The following CAPN3 variants were observed in gnomAD, a reference collection of about 807,000 sequenced individuals.
CAPN3 encodes calpain 3.
In CAPN3, 88 loss-of-function variants were observed where a neutral mutation model predicts 114.0. That is an observed-to-expected ratio of 0.77 (90% CI 0.65 to 0.92). The LOEUF (loss-of-function observed/expected upper bound fraction) is 0.92, where lower values mean the gene tolerates loss of function less well. Among genes scored for constraint, CAPN3 ranks in the 40% least tolerant of loss-of-function variants. The pLI is 0.00. For missense variants in CAPN3, 1,028 were observed against 1,069.0 expected (o/e 0.96, Z 0.53); for synonymous variants, 386 against 382.9 (o/e 1.01, Z -0.09).
intron 1 of CAPN3, among the ~76,000 whole-genome samples, chr15:42,371,446 T>C (rs536963337): frequency 2.2e-4 from 34 of 152,288 alleles, no homozygotes; most frequent in African/African-American, 7.7e-4. Flanking sequence ...TAATTATAAA[T>C]AAGGCAAAGC....
chr15:42,401,651 G>C lies in CAPN3; in HGVS notation c.1365G>C (p.Trp455Cys), dbSNP rs769692294. The stretch of plus-strand genomic sequence containing the variant: ...TTTCTGGGGGTGCAGATACTTTCTG[G>C]ACCAACCCTCAGTACCGTCTGAAGC... ...GGCRNFPDTF[W>C]TNPQYRLKLL... is the part of the protein sequence containing the mutation. Residue 455 changes from tryptophan to cysteine, a missense_variant, in exon 11 of 24, where the codon TGG becomes TGC. Trp to Cys is a radical substitution (Grantham distance 215, BLOSUM62 -2). Transcript: ENST00000397163. 1.2e-6 allele frequency: 2 copies of C among 1,613,990 alleles called. No individual in the cohort carries two copies.
intron 22 of CAPN3, 67 bp downstream of exon 22, chr15:42,411,067 C>T: frequency 7.9e-7 from 1 of 1,269,244 alleles, no homozygotes. Context: ...GGCATCTCAC[C>T]TGATAATCTC....
chr15:42,411,971 A>G lies in CAPN3; in HGVS notation c.*198A>G. ...CATGCCTAGCCTGACCCTTTAGTAAAGCAATGAGGTAGGAAGAACAAACCC... is the reference window on the plus strand; with the variant it reads ...CATGCCTAGCCTGACCCTTTAGTAAGGCAATGAGGTAGGAAGAACAAACCC... On this transcript the variant is annotated 3_prime_UTR_variant, in exon 24 of 24. Transcript: ENST00000397163. 2 of 1,513,762 alleles carry G rather than the reference A, an allele frequency of 1.3e-6. No homozygotes were observed. Among genetic ancestry groups the G allele is most frequent in the South Asian group, 2.6e-5 (2 of 77,400 alleles). The allele number at this position is 1,513,762 out of a possible 1,614,324, so 93.8% of individuals were successfully genotyped here.
At chr15:42,361,985 T>G (rs1181716342) in intron 1 of CAPN3, among the ~76,000 whole-genome samples, 1 of 152,274 alleles carries the variant, frequency 6.6e-6, no homozygotes, top group Non-Finnish European at 1.5e-5. Context: ...CTGTTCATCT[T>G]TGAGGCCCCC....
chr15:42,408,312 G>A lies in CAPN3; in HGVS notation c.1902G>A (p.Lys634=), dbSNP rs2054086848. ...GKGKTSPDKQ[K]QSPQPQPGSS... is the part of the protein sequence containing the mutation. ...GCAAAACAAGCCCTGATAAGCAAAA[G>A]CAGTCCCCACAGGTGTCTGGGCATG... is the stretch of plus-strand genomic sequence containing the variant. The change falls in exon 16 of 24, where the codon AAG becomes AAA. Residue 634 remains lysine, a synonymous_variant. Transcript: ENST00000397163. The A allele has an allele frequency of 1.9e-6, 3 of 1,611,784 alleles. No homozygotes were observed. Among genetic ancestry groups the A allele is most frequent in the Non-Finnish European group, 2.5e-6 (3 of 1,177,978 alleles).
Position 42,389,960 on chromosome 15 carries a change from C to T in CAPN3, c.809C>T (p.Thr270Met), listed in dbSNP as rs1219356790. The T allele has an allele frequency of 3.1e-6, 5 of 1,614,056 alleles. No homozygotes were observed. The highest frequency in any genetic ancestry group is 2.2e-5 in the East Asian group (1 of 44,878). Residue 270 changes from threonine (T) to methionine (M), a missense_variant, in exon 6 of 24, where the codon ACG (threonine) becomes ATG (methionine). Thr to Met is a moderately conservative substitution (Grantham distance 81). Coordinates refer to ENST00000397163, the MANE Select transcript of CAPN3 (RefSeq NM_000070.3). ...SLMGCSIDDG[T>M]NMTYGTSPSG... ...TTCTCCATCGGGCCTCAGGATGGCA[C>T]GAACATGACCTATGGAACCTCTCCT...
intron 1 of CAPN3, among the ~76,000 whole-genome samples, chr15:42,371,662 C>T (rs2052950616): frequency 6.6e-6 from 1 of 152,130 alleles, no homozygotes; most frequent in Admixed American, 6.6e-5. Context: ...CCTCTTCACT[C>T]TCTCAAGAAT....
intron 1 of CAPN3, among the ~76,000 whole-genome samples, chr15:42,371,780 A>G (rs949160131): frequency 4.6e-5 from 7 of 152,146 alleles, no homozygotes; most frequent in African/African-American, 1.7e-4. Context: ...CCCGGCCAAT[A>G]TGCTGAAACC....
chr15:42,373,631 C>T (rs1051218064), intron 1 of CAPN3, among the ~76,000 whole-genome samples: 1 of 151,774 alleles, frequency 6.6e-6, no homozygotes, highest in African/African-American at 2.4e-5. Context: ...CCCTAAAGGT[C>T]CTGAATTTGC....
intron 16 of CAPN3, 57 bp downstream of exon 16, chr15:42,408,381 C>CGCTT: frequency 9.3e-7 from 1 of 1,077,544 alleles, no homozygotes; most frequent in South Asian, 1.3e-5. Context: ...GCTTCCTATG[C>CGCTT]GCTTGGGATA....
chr15:42,363,135 C>T (rs2052687948), intron 1 of CAPN3, among the ~76,000 whole-genome samples: 1 of 152,194 alleles, frequency 6.6e-6, no homozygotes, highest in African/African-American at 2.4e-5. Flanking sequence ...CGACTGTTCC[C>T]AGCTCACCTG....
At chr15:42,402,037 T>C (rs1215915128) in intron 11 of CAPN3, 87 bp from the exon 12 acceptor site, 1 of 1,552,994 alleles carries the variant, frequency 6.4e-7, no homozygotes, top group East Asian at 2.2e-5. Context: ...GGCTTCCGCA[T>C]GCGGGCTGCA....
Position 42,402,878 on chromosome 15 carries a change from C to G in CAPN3, c.1621C>G (p.Arg541Gly), listed in dbSNP as rs142004418. The change falls in exon 13 of 24, where the codon CGG becomes GGG. Residue 541 changes from arginine to glycine, a missense_variant. Coordinates refer to ENST00000397163, the MANE Select transcript of CAPN3 (RefSeq NM_000070.3). ...KARSKTYINM[R>G]EVSQRFRLPP... The stretch of plus-strand genomic sequence containing the variant: ...CAGGAGCAAAACCTACATCAACATG[C>G]GGGAGGTGTCCCAGCGCTTCCGCCT... 14 of 1,614,110 alleles carry G rather than the reference C, an allele frequency of 8.7e-6. No individual in the cohort carries two copies. Among genetic ancestry groups the G allele is most frequent in the Non-Finnish European group, 1.2e-5 (14 of 1,179,956 alleles).
intron 1 of CAPN3, among the ~76,000 whole-genome samples, chr15:42,374,780 C>T (rs77192344): frequency 3.4e-5 from 5 of 145,324 alleles, no homozygotes; most frequent in African/African-American, 1.0e-4. Context: ...GCATTGTAAT[C>T]GAATATCATG....
At chr15:42,402,636 T>C in intron 12 of CAPN3, 158 bp from the exon 13 acceptor site, 1 of 1,531,562 alleles carries the variant, frequency 6.5e-7, no homozygotes, top group Non-Finnish European at 8.8e-7. Context: ...GGAAGTGAGG[T>C]AGGGAGGCTA....
At chr15:42,410,854 C>A (rs182616954) in intron 21 of CAPN3, 30 bp from the exon 22 acceptor site, 1 of 1,563,946 alleles carries the variant, frequency 6.4e-7, no homozygotes, top group Admixed American at 1.7e-5. Context: ...TCCAGCTCCA[C>A]GTCCACCTCT....
At chr15:42,395,796 C>T (rs529227324) in intron 8 of CAPN3, among the ~76,000 whole-genome samples, 2 of 152,326 alleles carry the variant, frequency 1.3e-5, no homozygotes, top group South Asian at 2.1e-4. Context: ...ATCTCCATGT[C>T]CCCTGCAGTG....
Position 42,396,387 on chromosome 15 carries a change from T to C in CAPN3, c.1116-413T>C, listed in dbSNP as rs2053691171. On this transcript the variant is annotated intron_variant, in intron 8 of 23. Coordinates refer to ENST00000397163, the MANE Select transcript of CAPN3 (RefSeq NM_000070.3). ...CCTCCTGAGTAGCTGAGACTATAGG[T>C]GCCCGCCACCACGCCCAGCTAATTT... Among the ~76,000 whole-genome samples, 8 of 151,940 alleles carry C rather than the reference T, an allele frequency of 5.3e-5. 1 individual carries two copies. The South Asian group carries it at 1.2e-3, about 24-fold the overall frequency.
chr15:42,397,625 C>T (rs1430697431), intron 9 of CAPN3, among the ~76,000 whole-genome samples: 1 of 145,388 alleles, frequency 6.9e-6, no homozygotes, highest in African/African-American at 2.6e-5. Flanking sequence ...GCCTGGGCGA[C>T]AAGAGAGACT....
Sources: allele counts gnomAD v4.1 joint callset (sites outside exome capture counted in the v4.1 genomes callset), GRCh38; gene constraint gnomAD v4.1.1; transcripts MANE v1.5; gene names NCBI Gene and HGNC (gene_info 2026-07-23, HGNC 2026-07-21).